The following PHF21A variants were observed in gnomAD, a reference collection of about 807,000 sequenced individuals.
The protein encoded by PHF21A is PHD finger protein 21A, also known as BHC80a.
In PHF21A, 11 loss-of-function variants were observed where a neutral mutation model predicts 82.5. The observed-to-expected ratio is 0.13, with a 90% CI of 0.08 to 0.22. The LOEUF (loss-of-function observed/expected upper bound fraction) is 0.22, where lower values mean the gene tolerates loss of function less well. Among genes scored for constraint, PHF21A ranks in the 10% least tolerant of loss-of-function variants. The pLI, the probability that PHF21A is intolerant of heterozygous loss-of-function variation, is 1.00. For synonymous variants in PHF21A, 297 were observed against 302.8 expected, an observed-to-expected ratio of 0.98 and a Z score of 0.20; for missense variants, 579 against 837.8, an observed-to-expected ratio of 0.69 and a Z score of 3.81.
At chr11:46,045,725 C>T (rs150319005) in intron 6 of PHF21A, among the ~76,000 whole-genome samples, 172 of 152,258 alleles carry the variant, frequency 1.1e-3, no homozygotes, top group Middle Eastern at 0.01. Context: ...TTCTCTAAAA[C>T]ACGTAGGTTA....
At chr11:45,943,305 T>G (rs1268216365) in intron 15 of PHF21A, among the ~76,000 whole-genome samples, 1 of 151,982 alleles carries the variant, frequency 6.6e-6, no homozygotes, top group Non-Finnish European at 1.5e-5. Flanking sequence ...GTATATTTAG[T>G]AGAGACGGGG....
intron 6 of PHF21A, among the ~76,000 whole-genome samples, chr11:46,054,639 T>C (rs1233134979): frequency 2.6e-5 from 4 of 152,184 alleles, no homozygotes. Context: ...ATCTTATTAC[T>C]CTACAACTGT....
At chr11:46,066,842 T>C (rs1258301435) in intron 6 of PHF21A, among the ~76,000 whole-genome samples, 1 of 152,246 alleles carries the variant, frequency 6.6e-6, no homozygotes, top group East Asian at 1.9e-4. Flanking sequence ...CTAGATAATC[T>C]AGACTTTTTC....
At chr11:45,934,447 C>T (rs921037346) in intron 18 of PHF21A, 4 of 533,228 alleles carry the variant, frequency 7.5e-6, no homozygotes, top group South Asian at 2.6e-5. Flanking sequence ...GTCCCAGAGG[C>T]AACAGAGGGA....
intron 6 of PHF21A, among the ~76,000 whole-genome samples, chr11:46,025,188 T>TA (rs376136660): frequency 0.13 from 18,381 of 144,676 alleles, 1,358 homozygotes; most frequent in African/African-American, 0.23. Flanking sequence ...GTATACAGAT[T>TA]AAAAAAAAAA....
chr11:45,970,337 G>C (rs2093674469), intron 8 of PHF21A: 1 of 175,614 alleles, frequency 5.7e-6, no homozygotes, highest in Non-Finnish European at 1.2e-5. Flanking sequence ...ATCTGGTTGA[G>C]TGACCTCGTT....
intron 6 of PHF21A, among the ~76,000 whole-genome samples, chr11:45,981,260 C>A (rs1227212103): frequency 6.6e-6 from 1 of 151,868 alleles, no homozygotes; most frequent in Admixed American, 6.6e-5. Context: ...GTGGCACACA[C>A]CTGTAATCCC....
chr11:45,953,487 C>T (rs751276855), intron 11 of PHF21A, 40 bp downstream of exon 11: 3 of 1,244,812 alleles, frequency 2.4e-6, no homozygotes, highest in East Asian at 4.7e-5. Flanking sequence ...ATAAACCATA[C>T]ACCATAGACT....
At chr11:46,034,815 G>C (rs1173087056) in intron 6 of PHF21A, among the ~76,000 whole-genome samples, 2 of 152,136 alleles carry the variant, frequency 1.3e-5, no homozygotes, top group African/African-American at 4.8e-5. Context: ...ATAGTGATTG[G>C]TCTGAGCCCT....
intron 15 of PHF21A, among the ~76,000 whole-genome samples, chr11:45,939,687 AGG>A (rs1429599985): frequency 1.3e-5 from 2 of 149,758 alleles, no homozygotes; most frequent in African/African-American, 2.5e-5. Context: ...GTTAGGACTC[AGG>A]TAAGTCTGCT....
chr11:45,934,406 C>T lies in PHF21A; in HGVS notation c.1789-181G>A, dbSNP rs188297957. 4.7e-3 allele frequency: 2,171 copies of T among 465,668 alleles called. 12 individuals are homozygous for T. The highest frequency in any genetic ancestry group is 7.0e-3 in the Non-Finnish European group (1,833 of 261,632). 28.8% of individuals were successfully genotyped at this position (465,668 alleles called of 1,614,324 possible). ...GGCGGCTACCACCTAAGGAACAGGG[C>T]GGGTGGAGTGGGTAGGCTGGGGGGT... On this transcript the variant is annotated intron_variant, in intron 18 of 18. Coordinates refer to ENST00000676320, the MANE Select transcript of PHF21A (RefSeq NM_001352027.3).
At chr11:45,967,355 G>A (rs2093500122) in intron 9 of PHF21A, among the ~76,000 whole-genome samples, 2 of 132,852 alleles carry the variant, frequency 1.5e-5, no homozygotes, top group South Asian at 5.4e-4. Flanking sequence ...GTGATAGAGT[G>A]AGACCCTGTC....
intron 6 of PHF21A, among the ~76,000 whole-genome samples, chr11:46,068,540 A>G (rs74731612): frequency 1.3e-5 from 2 of 152,314 alleles, no homozygotes; most frequent in Admixed American, 6.5e-5. Context: ...TGAAATACAG[A>G]TATGTTCTAT....
intron 6 of PHF21A, among the ~76,000 whole-genome samples, chr11:46,022,948 G>A (rs2095660448): frequency 6.6e-6 from 1 of 151,592 alleles, no homozygotes; most frequent in Non-Finnish European, 1.5e-5. Flanking sequence ...ATAGGGTTTC[G>A]CCATCTTGGC....
At chr11:46,008,959 G>T (rs1023898629) in intron 6 of PHF21A, among the ~76,000 whole-genome samples, 2 of 145,954 alleles carry the variant, frequency 1.4e-5, no homozygotes, top group East Asian at 4.1e-4. Context: ...CAACAAATTG[G>T]TTCACATTTC....
At chr11:45,960,326 T>C (rs578055774) in intron 10 of PHF21A, among the ~76,000 whole-genome samples, 5 of 152,308 alleles carry the variant, frequency 3.3e-5, no homozygotes, top group African/African-American at 7.2e-5. Context: ...AATAAACACA[T>C]TGTGGTATAT....
chr11:45,989,090 C>T (rs2094589078), intron 6 of PHF21A, among the ~76,000 whole-genome samples: 1 of 152,182 alleles, frequency 6.6e-6, no homozygotes, highest in Non-Finnish European at 1.5e-5. Flanking sequence ...CTCACAAGTG[C>T]AGCCTGCCAA....
chr11:45,946,220 G>C, intron 14 of PHF21A: 1 of 1,020,734 alleles, frequency 9.8e-7, no homozygotes, highest in Non-Finnish European at 1.5e-6. Flanking sequence ...AGAGAAGGGA[G>C]GATAAGAGAG....
intron 6 of PHF21A, among the ~76,000 whole-genome samples, chr11:46,054,082 T>C (rs894397279): frequency 1.3e-5 from 2 of 152,100 alleles, no homozygotes; most frequent in Non-Finnish European, 2.9e-5. Context: ...TTTAAGCAAA[T>C]AAAATATGTG....
Sources: gnomAD v4.1 joint callset for allele counts (sites outside exome capture counted in the v4.1 genomes callset) on GRCh38, gnomAD v4.1.1 for gene constraint, MANE v1.5 for transcripts, NCBI Gene and HGNC (gene_info 2026-07-23, HGNC 2026-07-21) for gene names.